ZNF711: variants seen among roughly 807,000 people sequenced by gnomAD.
ZNF711 encodes the protein zinc finger protein 711.
Under a neutral mutation model 43.5 loss-of-function variants are expected in ZNF711, and 3 were observed. That is an observed-to-expected ratio of 0.07 (90% CI 0.03 to 0.18). The LOEUF is 0.18. Among genes scored for constraint, ZNF711 ranks in the 10% least tolerant of loss-of-function variants. ZNF711 has a pLI of 1.00. For missense variants in ZNF711, 412 were observed against 604.0 expected (o/e 0.68, Z 3.33); for synonymous variants, 209 against 207.7 (o/e 1.01, Z -0.06).
rs777311629 is a variant in ZNF711 at position 85,270,075 on chromosome X, T to A, written c.1175T>A (p.Ile392Asn). Reference sequence around the variant, plus strand: ...CAGTACCTTCAAATTTGTGACGGCATTAATACAAATAAAGTACTTAAACAA... The same window carrying A: ...CAGTACCTTCAAATTTGTGACGGCAATAATACAAATAAAGTACTTAAACAA... ...AAQYLQICDG[I>N]NTNKVLKQKA... The change falls in exon 10 of 11, where the codon ATT becomes AAT. Residue 392 changes from isoleucine to asparagine, a missense_variant. Ile to Asn is a moderately radical substitution (Grantham distance 149). Coordinates refer to ENST00000674551, the MANE Select transcript of ZNF711 (RefSeq NM_001330574.2). 8.3e-7 allele frequency: 1 copy of A among 1,210,062 alleles called. No homozygotes were observed. Among genetic ancestry groups the A allele is most frequent in the South Asian group, 1.8e-5 (1 of 56,954 alleles).
Position 85,267,273 on chromosome X carries a change from T to C in ZNF711, c.917-5T>C. On this transcript the variant is annotated splice_polypyrimidine_tract_variant and splice_region_variant and intron_variant, in intron 7 of 10. Transcript: ENST00000674551. ...TATAAACAAGCAATTATTTCTAAAA[T>C]TTAGGTTGCGCTGAAATAGCAGATG... 1 of 1,112,486 alleles carries C rather than the reference T, an allele frequency of 9.0e-7. No homozygotes were observed. The highest frequency in any genetic ancestry group is 1.2e-6 in the Non-Finnish European group (1 of 852,143). 91.7% of individuals were successfully genotyped at this position (1,112,486 alleles called of 1,213,427 possible).
chrX:85,247,517 A>G (rs1929132199), intron 3 of ZNF711, 30 bp from the exon 4 acceptor site: 2 of 1,029,421 alleles, frequency 1.9e-6, no homozygotes, highest in Admixed American at 2.4e-5. Context: ...TAAATATATT[A>G]AACTATTTTA....
rs768536768 is a variant in ZNF711, at chrX:85,272,317, A to G, written c.*489A>G. 8.6e-6 allele frequency: 1 copy of G among 116,217 alleles called. No homozygotes were observed. The highest frequency in any genetic ancestry group is 3.3e-4 in the South Asian group (1 of 3,030). 9.6% of individuals were successfully genotyped at this position (116,217 alleles called of 1,213,427 possible). A position where few individuals can be genotyped will look rare whatever the true frequency, so the allele number is the denominator to read the frequency against. ...TTGTACCTGGAAATTAAATTCCAGC[A>G]ATGACAAAAGTTTTGTGTATTCATT... On this transcript the variant is annotated 3_prime_UTR_variant, in exon 11 of 11. Transcript: ENST00000674551.
intron 5 of ZNF711, among the ~76,000 whole-genome samples, chrX:85,260,097 G>C (rs767543768): frequency 7.2e-5 from 8 of 111,229 alleles, no homozygotes; most frequent in African/African-American, 2.3e-4. Context: ...TTATCATGAA[G>C]GGCTAATACA....
At position 85,265,190 on chromosome X, in the gene ZNF711, G is replaced by A. The variant is rs1421762656; in HGVS notation, c.851G>A (p.Arg284Gln). 2 of 1,208,474 alleles carry A rather than the reference G, an allele frequency of 1.7e-6. No individual in the cohort carries two copies. Among genetic ancestry groups the A allele is most frequent in the Non-Finnish European group, 2.2e-6 (2 of 893,422 alleles). ...HSVAGVLDQS[R>Q]MQREKMVYMA... ...GTAGCTGGAGTGCTTGACCAGAGCC[G>A]AATGCAGCGGGAGAAGATGGTTTAC... The change falls in exon 7 of 11, where the codon CGA (arginine) becomes CAA (glutamine). Residue 284 changes from arginine to glutamine, a missense_variant. By Grantham distance (43) the Arg-to-Gln change is conservative. Around this residue, in one of 4 missense-constraint regions of ZNF711, gnomAD observed 375 missense variants for 514.2 expected, o/e 0.73. Coordinates refer to ENST00000674551, the MANE Select transcript of ZNF711 (RefSeq NM_001330574.2).
intron 5 of ZNF711, among the ~76,000 whole-genome samples, chrX:85,259,436 G>T (rs1930447572): frequency 9.0e-6 from 1 of 111,275 alleles, no homozygotes; most frequent in African/African-American, 3.3e-5. Flanking sequence ...CTGTGAAAAT[G>T]ACGTTAGTAG....
chrX:85,266,897 G>A (rs57666885), intron 7 of ZNF711, among the ~76,000 whole-genome samples: 14,318 of 104,688 alleles, frequency 0.14, 705 homozygotes, highest in South Asian at 0.19. Context: ...TACAGTATAC[G>A]AGATAGTATG....
Position 85,271,926 on chromosome X carries a change from C to A in ZNF711, c.*98C>A. 1.5e-6 allele frequency: 1 copy of A among 657,226 alleles called. No individual in the cohort carries two copies. Among genetic ancestry groups the A allele is most frequent in the Non-Finnish European group, 2.4e-6 (1 of 415,987 alleles). The allele number at this position is 657,226 out of a possible 1,213,427, so 54.2% of individuals were successfully genotyped here. On this transcript the variant is annotated 3_prime_UTR_variant, in exon 11 of 11. Coordinates refer to ENST00000674551, the MANE Select transcript of ZNF711 (RefSeq NM_001330574.2). The stretch of plus-strand genomic sequence containing the variant: ...TCTCACCGGGTTTCAAAGCTTGATA[C>A]TAAACCATGACTTTACATTCTTTGT...
chrX:85,248,385 C>T (rs192411050), intron 4 of ZNF711, among the ~76,000 whole-genome samples: 2,460 of 99,676 alleles, frequency 0.025, 27 homozygotes, highest in Non-Finnish European at 0.035. Context: ...AGGAGAATTG[C>T]TTGAGCCCAT....
At position 85,244,148 on chromosome X, in the gene ZNF711, A is replaced by AGCGGCGGCGGCGGCGGCG. The variant is rs770058389; in HGVS notation, c.-438_-437insGGCGGCGGCGGCGGCGGC. The AGCGGCGGCGGCGGCGGCG allele has an allele frequency of 7.6e-6, 1 of 132,436 alleles. No individual in the cohort carries two copies. The highest frequency in any genetic ancestry group is 1.4e-5 in the Non-Finnish European group (1 of 73,768). The allele number at this position is 132,436 out of a possible 1,213,427, so 10.9% of individuals were successfully genotyped here. On this transcript the variant is annotated 5_prime_UTR_variant, in exon 1 of 11. Transcript: ENST00000674551. ...AGGCGGCGGCGGCGGCGGCGGCGGC[A>AGCGGCGGCGGCGGCGGCG]GCGGCGGCGGCAGCGGCGGCGGCAG...
intron 7 of ZNF711, among the ~76,000 whole-genome samples, chrX:85,265,794 G>T (rs1380554666): frequency 9.0e-6 from 1 of 111,067 alleles, no homozygotes; most frequent in African/African-American, 3.3e-5. Flanking sequence ...CTTCTCTCTG[G>T]ATTTAGCAAT....
At chrX:85,259,406 T>C (rs1930445947) in intron 5 of ZNF711, among the ~76,000 whole-genome samples, 1 of 111,535 alleles carries the variant, frequency 9.0e-6, no homozygotes, top group Admixed American at 9.6e-5. Context: ...TTATGAATTT[T>C]AGTGTAGTTT....
rs1410276087 is a variant in ZNF711, at chrX:85,271,983, G to C, written c.*155G>C. 2 of 481,792 alleles carry C rather than the reference G, an allele frequency of 4.2e-6. No individual in the cohort carries two copies. The highest frequency in any genetic ancestry group is 7.0e-6 in the Non-Finnish European group (2 of 285,000). 39.7% of individuals were successfully genotyped at this position (481,792 alleles called of 1,213,427 possible). On this transcript the variant is annotated 3_prime_UTR_variant, in exon 11 of 11. Transcript: ENST00000674551. ...GATCTTAAAATATTTGAATTCACAGGGGATCCCATAGCCCTTTGAAAATTA... is the reference window on the plus strand; with the variant it reads ...GATCTTAAAATATTTGAATTCACAGCGGATCCCATAGCCCTTTGAAAATTA...
In ZNF711 at chrX:85,270,914, G is replaced by T; in HGVS notation, c.1510G>T (p.Ala504Ser). ...FTEYTRRYRE[A>S]SPLSSNKLIL... ...AGAATACACACGAAGATACAGAGAGGCTAGTCCACTGAGTTCCAATAAACT... is the reference window on the plus strand; with the variant it reads ...AGAATACACACGAAGATACAGAGAGTCTAGTCCACTGAGTTCCAATAAACT... The change falls in exon 11 of 11, where the codon GCT (alanine) becomes TCT (serine). Residue 504 changes from alanine (A) to serine (S), a missense_variant. Ala to Ser is a moderately conservative substitution (Grantham distance 99). Transcript: ENST00000674551. 2.5e-6 allele frequency: 3 copies of T among 1,210,467 alleles called. No homozygotes were observed. Among genetic ancestry groups the T allele is most frequent in the Non-Finnish European group, 3.4e-6 (3 of 894,872 alleles).
At chrX:85,244,491 G>A (rs1928823638) in intron 1 of ZNF711, among the ~76,000 whole-genome samples, 1 of 111,525 alleles carries the variant, frequency 9.0e-6, no homozygotes, top group South Asian at 3.8e-4. Flanking sequence ...GGTTTAGGGT[G>A]ACGGTAAAAT....
intron 7 of ZNF711, among the ~76,000 whole-genome samples, chrX:85,265,694 C>A (rs1931037513): frequency 9.0e-6 from 1 of 110,903 alleles, no homozygotes; most frequent in Admixed American, 9.6e-5. Context: ...TATCCAAGAT[C>A]ATTCCAATAT....
intron 5 of ZNF711, among the ~76,000 whole-genome samples, chrX:85,257,969 G>A (rs1930319834): frequency 8.8e-6 from 1 of 113,055 alleles, no homozygotes; most frequent in South Asian, 3.6e-4. Context: ...ATGGAAAACA[G>A]TGTGGAGATC....
chrX:85,259,710 G>A (rs764965546), intron 5 of ZNF711, among the ~76,000 whole-genome samples: 2 of 111,039 alleles, frequency 1.8e-5, no homozygotes, highest in African/African-American at 3.3e-5. Flanking sequence ...TTGGTGTGTA[G>A]AAATGCTACT....
intron 5 of ZNF711, among the ~76,000 whole-genome samples, chrX:85,256,863 TAGATTACTAA>T (rs1930188927): frequency 8.9e-6 from 1 of 111,764 alleles, no homozygotes. Flanking sequence ...TAAATAGATA[TAGATTACTAA>T]AGCAACTCCA....
Sources: gnomAD v4.1 joint callset for allele counts (sites outside exome capture counted in the v4.1 genomes callset) on GRCh38, gnomAD v4.1.1 for gene constraint, gnomAD v4.1.1 regional missense constraint, MANE v1.5 for transcripts, NCBI Gene and HGNC (gene_info 2026-07-23, HGNC 2026-07-21) for gene names.